C1orf87: variants seen among roughly 807,000 people sequenced by gnomAD.
The protein encoded by C1orf87 is uncharacterized protein C1orf87.
C1orf87 carries 58 observed loss-of-function variants against 60.5 expected under a neutral mutation model. The ratio of observed to expected loss-of-function variants is 0.96; its 90% CI spans 0.78 to 1.19. The LOEUF is 1.19. C1orf87 is among the 50% of genes most tolerant of loss of function. The pLI is 0.00. For synonymous variants in C1orf87, 236 were observed against 227.4 expected (o/e 1.04, Z -0.34); for missense variants, 673 against 638.6 (o/e 1.05, Z -0.58).
intron 9 of C1orf87, 61 bp downstream of exon 9, chr1:60,010,331 A>T: frequency 1.4e-6 from 2 of 1,417,364 alleles, no homozygotes; most frequent in Non-Finnish European, 2.0e-6. Flanking sequence ...TAGGCAGCAT[A>T]GTCAACAATA....
intron 6 of C1orf87, among the ~76,000 whole-genome samples, chr1:60,034,771 T>C (rs1255957872): frequency 1.3e-5 from 2 of 152,150 alleles, no homozygotes; most frequent in African/African-American, 4.8e-5. Context: ...CACATCTCTA[T>C]TTCCTTATTT....
chr1:59,995,060 C>T (rs1422558802), intron 11 of C1orf87, among the ~76,000 whole-genome samples: 1 of 152,112 alleles, frequency 6.6e-6, no homozygotes, highest in Non-Finnish European at 1.5e-5. Context: ...AGTGAAGAGG[C>T]CATGAGAAAG....
At chr1:60,064,344 A>AT (rs1645520437) in intron 2 of C1orf87, among the ~76,000 whole-genome samples, 1 of 138,680 alleles carries the variant, frequency 7.2e-6, no homozygotes, top group African/African-American at 2.6e-5. Flanking sequence ...CTATATATGT[A>AT]ATATATGTAA....
chr1:60,043,602 G>GTCTCGA (rs1645342863), intron 3 of C1orf87, among the ~76,000 whole-genome samples: 1 of 152,080 alleles, frequency 6.6e-6, no homozygotes, highest in Non-Finnish European at 1.5e-5. Context: ...GGCCAGGATG[G>GTCTCGA]TCTCGATCTC....
intron 9 of C1orf87, chr1:60,008,686 A>G (rs1230198402): frequency 2.2e-6 from 1 of 456,342 alleles, no homozygotes; most frequent in South Asian, 1.6e-5. Context: ...GTTTTTCAGC[A>G]TTCTCAGCCC....
chr1:60,035,197 C>T (rs917371311), intron 6 of C1orf87, among the ~76,000 whole-genome samples: 1 of 152,134 alleles, frequency 6.6e-6, no homozygotes, highest in African/African-American at 2.4e-5. Context: ...GGCACATGAC[C>T]CAAACACTGT....
chr1:60,003,391 C>G (rs965132941), intron 9 of C1orf87, among the ~76,000 whole-genome samples: 10 of 151,878 alleles, frequency 6.6e-5, no homozygotes, highest in African/African-American at 2.2e-4. Context: ...TTAGTGGGTG[C>G]AGCGCACCAG....
At chr1:60,052,866 A>T (rs1645424387) in intron 3 of C1orf87, among the ~76,000 whole-genome samples, 3 of 152,240 alleles carry the variant, frequency 2.0e-5, no homozygotes, top group African/African-American at 4.8e-5. Flanking sequence ...TGTGGCTGCC[A>T]TCTGGCGGGC....
rs766140802 is a variant in C1orf87, at chr1:59,990,820, C to A, written c.1494G>T (p.Lys498Asn). The A allele has an allele frequency of 4.3e-6, 7 of 1,613,924 alleles. No individual in the cohort carries two copies. Among genetic ancestry groups the A allele is most frequent in the Non-Finnish European group, 5.9e-6 (7 of 1,179,890 alleles). The change falls in exon 12 of 12, where the codon AAG becomes AAT. Residue 498 changes from lysine to asparagine, a missense_variant. Lys to Asn is a moderately conservative substitution (Grantham distance 94). Transcript: ENST00000371201. ...TGTGAATGAGGCGTCTGGCTCGTTC[C>A]TTCTCCAGAACTCCTGTGATTGGAT... ...CDLSNTGVLE[K>N]ERARRLIHNY...
In C1orf87 at chr1:60,038,090, T is replaced by G. The variant is rs17560663; in HGVS notation, c.765A>C (p.Leu255=). ...ATGCTGCACTGTTTAAAAACCAGAG[T>G]AGCTTTTCATAATTCACCTGAAAAT... ...GSPEMVNYEK[L]LWFLNSAASD... Residue 255 remains leucine, a synonymous_variant, in exon 6 of 12, where the codon CTA becomes CTC. Transcript: ENST00000371201. 3.2e-6 allele frequency: 5 copies of G among 1,552,566 alleles called. No individual in the cohort carries two copies. The highest frequency in any genetic ancestry group is 3.5e-6 in the Non-Finnish European group (4 of 1,135,862).
chr1:60,063,406 A>G (rs1176527018), intron 2 of C1orf87, among the ~76,000 whole-genome samples: 1 of 152,126 alleles, frequency 6.6e-6, no homozygotes. Flanking sequence ...GTCACTCCCA[A>G]GTTACTCACC....
intron 6 of C1orf87, 142 bp from the exon 7 acceptor site, chr1:60,033,783 C>T (rs1645256407): frequency 2.3e-6 from 2 of 855,660 alleles, no homozygotes; most frequent in Non-Finnish European, 1.8e-6. Context: ...GTCTTGGGAA[C>T]CTGGTCATGA....
intron 9 of C1orf87, among the ~76,000 whole-genome samples, chr1:60,005,527 C>T (rs558049118): frequency 2.9e-4 from 44 of 152,186 alleles, no homozygotes; most frequent in African/African-American, 1.0e-3. Context: ...AAAGAAGTGA[C>T]ATTTAAATAA....
chr1:60,027,066 C>T (rs1299195692), intron 7 of C1orf87, among the ~76,000 whole-genome samples: 5 of 152,168 alleles, frequency 3.3e-5, no homozygotes, highest in Non-Finnish European at 7.3e-5. Context: ...ACAAGAGATA[C>T]TTGACCTGTA....
At chr1:60,072,263 A>G (rs1222774527) in intron 2 of C1orf87, among the ~76,000 whole-genome samples, 2 of 152,208 alleles carry the variant, frequency 1.3e-5, no homozygotes, top group African/African-American at 2.4e-5. Flanking sequence ...GCAGTGCTCC[A>G]TTAATATTTA....
chr1:60,006,819 T>C (rs143074177), intron 9 of C1orf87, among the ~76,000 whole-genome samples: 31 of 152,234 alleles, frequency 2.0e-4, no homozygotes, highest in African/African-American at 7.0e-4. Context: ...TCAGTCATAA[T>C]TGCTTCAACT....
At chr1:60,030,275 G>T (rs150739517) in intron 7 of C1orf87, among the ~76,000 whole-genome samples, 1 of 152,176 alleles carries the variant, frequency 6.6e-6, no homozygotes, top group East Asian at 1.9e-4. Context: ...CATTGGAAGA[G>T]GAGAAACATT....
chr1:60,047,594 T>C lies in C1orf87; in HGVS notation c.343-6463A>G, dbSNP rs1645381809. ...AGTCATTGTTTCTAAATTTTTCCAATGGACAGAACTGGGAAATACATTTTT... is the reference window on the plus strand; with the variant it reads ...AGTCATTGTTTCTAAATTTTTCCAACGGACAGAACTGGGAAATACATTTTT... On this transcript the variant is annotated intron_variant, in intron 3 of 11. Coordinates refer to ENST00000371201, the MANE Select transcript of C1orf87 (RefSeq NM_152377.3). Among the ~76,000 whole-genome samples, 4 of 152,336 alleles carry C rather than the reference T, an allele frequency of 2.6e-5. No homozygotes were observed. The South Asian group carries it at 8.3e-4, about 32-fold the overall frequency.
chr1:60,070,848 A>T (rs1347181963), intron 2 of C1orf87, among the ~76,000 whole-genome samples: 2 of 152,200 alleles, frequency 1.3e-5, no homozygotes, highest in Non-Finnish European at 2.9e-5. Flanking sequence ...CACTATTTTA[A>T]AAATTAAATA....
Sources: gnomAD v4.1 joint callset for allele counts (sites outside exome capture counted in the v4.1 genomes callset) on GRCh38, gnomAD v4.1.1 for gene constraint, MANE v1.5 for transcripts, NCBI Gene and HGNC (gene_info 2026-07-23, HGNC 2026-07-21) for gene names.